TENT2: variants seen among roughly 807,000 people sequenced by gnomAD.
The protein encoded by TENT2 is poly(A) RNA polymerase GLD2.
TENT2 carries 44 observed loss-of-function variants against 72.2 expected under a neutral mutation model. The ratio of observed to expected loss-of-function variants is 0.61; its 90% CI spans 0.48 to 0.78. The LOEUF is 0.78. Ranked by LOEUF, TENT2 falls within the 30% of genes least tolerant of loss-of-function variation. The pLI, the probability that TENT2 is intolerant of heterozygous loss-of-function variation, is 0.00. For synonymous variants in TENT2, 212 were observed against 192.5 expected, an observed-to-expected ratio of 1.10 and a Z score of -0.84; for missense variants, 541 against 569.6, an observed-to-expected ratio of 0.95 and a Z score of 0.51.
intron 4 of TENT2, among the ~76,000 whole-genome samples, chr5:79,624,417 A>C (rs1767675606): frequency 6.6e-6 from 1 of 152,098 alleles, no homozygotes; most frequent in East Asian, 1.9e-4. Context: ...TTTGTTCTTT[A>C]ATTTTTTAAT....
intron 4 of TENT2, among the ~76,000 whole-genome samples, chr5:79,633,189 A>C (rs759227615): frequency 1.3e-5 from 2 of 152,180 alleles, no homozygotes; most frequent in Non-Finnish European, 2.9e-5. Flanking sequence ...TTTTCCTCAG[A>C]AAATTAATAC....
intron 13 of TENT2, 24 bp downstream of exon 13, chr5:79,679,694 G>C (rs369939461): frequency 3.7e-6 from 5 of 1,356,106 alleles, no homozygotes; most frequent in East Asian, 4.7e-5. Flanking sequence ...TACCATCTAC[G>C]TATCATCATG....
chr5:79,644,348 C>T (rs956420544), intron 7 of TENT2, among the ~76,000 whole-genome samples: 139 of 152,088 alleles, frequency 9.1e-4, no homozygotes, highest in African/African-American at 3.2e-3. Flanking sequence ...TAAAAAATCC[C>T]GGTACTACTT....
chr5:79,681,937 C>G, intron 13 of TENT2, 45 bp from the exon 14 acceptor site: 1 of 1,500,044 alleles, frequency 6.7e-7, no homozygotes, highest in African/African-American at 1.4e-5. Flanking sequence ...AACTGTAGCT[C>G]TCATTTTAAT....
intron 13 of TENT2, among the ~76,000 whole-genome samples, chr5:79,679,971 G>A (rs1186471046): frequency 2.6e-5 from 4 of 152,056 alleles, no homozygotes; most frequent in Non-Finnish European, 5.9e-5. Flanking sequence ...ATCTTTATAT[G>A]TGATTCTTAT....
intron 8 of TENT2, among the ~76,000 whole-genome samples, chr5:79,647,498 GT>G (rs1790056199): frequency 6.6e-6 from 1 of 152,092 alleles, no homozygotes; most frequent in Admixed American, 6.5e-5. Flanking sequence ...ATTACTGTAA[GT>G]TTCCCAAAGC....
intron 12 of TENT2, among the ~76,000 whole-genome samples, chr5:79,677,402 A>G (rs967738316): frequency 3.3e-5 from 5 of 152,208 alleles, no homozygotes; most frequent in African/African-American, 4.8e-5. Flanking sequence ...AGTGGCATGT[A>G]GTGTAAAATC....
At chr5:79,618,589 T>A (rs1291440523) in intron 1 of TENT2, among the ~76,000 whole-genome samples, 1 of 150,940 alleles carries the variant, frequency 6.6e-6, no homozygotes, top group Non-Finnish European at 1.5e-5. Context: ...TTTTCATTAA[T>A]CTGAGTTTTT....
At chr5:79,680,739 C>T (rs1307623819) in intron 13 of TENT2, among the ~76,000 whole-genome samples, 1 of 152,180 alleles carries the variant, frequency 6.6e-6, no homozygotes, top group Non-Finnish European at 1.5e-5. Context: ...CATAGGTCTT[C>T]TCATTCTTGA....
At chr5:79,660,406 G>C (rs894874381) in intron 11 of TENT2, among the ~76,000 whole-genome samples, 1 of 152,058 alleles carries the variant, frequency 6.6e-6, no homozygotes, top group Non-Finnish European at 1.5e-5. Context: ...ATTTATGCTA[G>C]GTAGATTTAT....
intron 10 of TENT2, among the ~76,000 whole-genome samples, chr5:79,655,348 T>C (rs1369041518): frequency 6.6e-6 from 1 of 152,148 alleles, no homozygotes; most frequent in Non-Finnish European, 1.5e-5. Context: ...TGAAAGATCC[T>C]CAACCAGTGG....
chr5:79,650,118 G>T (rs1792567106), intron 10 of TENT2, among the ~76,000 whole-genome samples: 1 of 152,090 alleles, frequency 6.6e-6, no homozygotes, highest in South Asian at 2.1e-4. Flanking sequence ...GGCTTGATCT[G>T]TTCTGGGTTG....
At chr5:79,659,559 T>A (rs1360003825) in intron 11 of TENT2, among the ~76,000 whole-genome samples, 505 of 45,416 alleles carry the variant, frequency 0.011, 32 homozygotes, top group African/African-American at 0.095. Context: ...AAAAAATGTA[T>A]ATATATATAT....
At chr5:79,639,713 GAA>G (rs1561500025) in intron 4 of TENT2, among the ~76,000 whole-genome samples, 1 of 151,986 alleles carries the variant, frequency 6.6e-6, no homozygotes, top group African/African-American at 2.4e-5. Context: ...AGGAGAGTGA[GAA>G]AGTGTGAACT....
At chr5:79,626,596 C>T (rs1035755750) in intron 4 of TENT2, among the ~76,000 whole-genome samples, 73 of 151,094 alleles carry the variant, frequency 4.8e-4, no homozygotes, top group Admixed American at 1.3e-3. Flanking sequence ...CGTGAACCCC[C>T]GCACCCGGCC....
intron 11 of TENT2, among the ~76,000 whole-genome samples, chr5:79,658,182 A>G (rs1448691894): frequency 6.6e-6 from 1 of 152,138 alleles, no homozygotes; most frequent in Admixed American, 6.6e-5. Flanking sequence ...TTGCTATCTC[A>G]TCTTCCTTTT....
At chr5:79,665,772 G>A (rs1294853220) in intron 11 of TENT2, among the ~76,000 whole-genome samples, 2 of 152,158 alleles carry the variant, frequency 1.3e-5, no homozygotes, top group Admixed American at 6.5e-5. Flanking sequence ...TAAAGAGGTG[G>A]ATGTTATCAG....
chr5:79,651,951 A>G (rs761269451), intron 10 of TENT2, among the ~76,000 whole-genome samples: 2 of 152,118 alleles, frequency 1.3e-5, no homozygotes, highest in Non-Finnish European at 2.9e-5. Context: ...ATTTCACTTG[A>G]ACATGTATTA....
At position 79,685,208 on chromosome 5, in the gene TENT2, A is replaced by G. The variant is rs567873139; in HGVS notation, c.1390A>G (p.Arg464Gly). ...IKDQFLKSWH[R>G]LKNKRDLNSI... ...TTTCTTTCTCTCCCAGTCATGGCACAGATTGAAAAACAAGAGAGATTTGAA... is the reference window on the plus strand; with the variant it reads ...TTTCTTTCTCTCCCAGTCATGGCACGGATTGAAAAACAAGAGAGATTTGAA... The change falls in exon 15 of 15, where the codon AGA becomes GGA. Residue 464 changes from arginine to glycine, a missense_variant. Arg to Gly is a moderately radical substitution (Grantham distance 125, BLOSUM62 -2). Coordinates refer to ENST00000453514, the MANE Select transcript of TENT2 (RefSeq NM_001114394.3). 4.4e-6 allele frequency: 7 copies of G among 1,606,968 alleles called. No individual in the cohort carries two copies. The East Asian group carries it at 1.3e-4, about 31-fold the overall frequency.
Sources: gnomAD v4.1 joint callset for allele counts (sites outside exome capture counted in the v4.1 genomes callset) on GRCh38, gnomAD v4.1.1 for gene constraint, MANE v1.5 for transcripts, NCBI Gene and HGNC (gene_info 2026-07-23, HGNC 2026-07-21) for gene names.